Variants in RND3 observed in about 807,000 individuals in gnomAD.
RND3 encodes rho-related GTP-binding protein RhoE.
A neutral mutation model predicts 26.5 loss-of-function variants in RND3; 8 were observed. That is an observed-to-expected ratio of 0.30 (90% CI 0.18 to 0.54). The LOEUF (loss-of-function observed/expected upper bound fraction) is 0.54, where lower values mean the gene tolerates loss of function less well. Among genes scored for constraint, RND3 ranks in the 20% least tolerant of loss-of-function variants. The pLI is 0.94. For missense variants in RND3, 207 were observed against 302.8 expected (o/e 0.68, Z 2.35); for synonymous variants, 113 against 113.0 (o/e 1.00, Z 0.00).
chr2:150,472,667 G>T (rs765665284), intron 4 of RND3, among the ~76,000 whole-genome samples: 4 of 152,112 alleles, frequency 2.6e-5, no homozygotes, highest in African/African-American at 9.7e-5. Flanking sequence ...CTGAGATGGG[G>T]AAGTGGCGCC....
At chr2:150,478,269 A>C (rs1336507148) in intron 3 of RND3, among the ~76,000 whole-genome samples, 1 of 151,966 alleles carries the variant, frequency 6.6e-6, no homozygotes, top group Non-Finnish European at 1.5e-5. Flanking sequence ...TACAGTGTTT[A>C]CTCTGTGTTT....
intron 5 of RND3, among the ~76,000 whole-genome samples, chr2:150,470,951 C>T (rs1686078701): frequency 6.6e-6 from 1 of 152,154 alleles, no homozygotes; most frequent in Non-Finnish European, 1.5e-5. Flanking sequence ...AGGAATAATA[C>T]TATTGTAACA....
rs773723153 is a variant in RND3, at chr2:150,470,134, T to C, written c.588A>G (p.Ala196=). ...CGTTTTTATTTGTCTTATTTACACA[T>C]GCCAAGGTGGCAACGTGAAAAATGT... ...VRDIFHVATL[A]CVNKTNKNVK... Residue 196 remains alanine (A), a synonymous_variant, in exon 6 of 6, where the codon GCA becomes GCG. Coordinates refer to ENST00000263895, the MANE Select transcript of RND3 (RefSeq NM_005168.5). 11 of 1,613,942 alleles carry C rather than the reference T, an allele frequency of 6.8e-6. No homozygotes were observed. Among genetic ancestry groups the C allele is most frequent in the Non-Finnish European group, 9.3e-6 (11 of 1,179,964 alleles).
chr2:150,484,111 G>A (rs1007826083), intron 3 of RND3, among the ~76,000 whole-genome samples: 1 of 152,188 alleles, frequency 6.6e-6, no homozygotes, highest in South Asian at 2.1e-4. Context: ...GTAATTCAGT[G>A]TGAATAAATG....
At chr2:150,487,140 C>T in intron 2 of RND3, 128 bp downstream of exon 2, 2 of 807,802 alleles carry the variant, frequency 2.5e-6, no homozygotes, top group Non-Finnish European at 3.6e-6. Flanking sequence ...TAGTAAGGAC[C>T]GAGAAAGACT....
chr2:150,475,003 A>C lies in RND3; in HGVS notation c.239-19T>G. 4 of 1,520,882 alleles carry C rather than the reference A, an allele frequency of 2.6e-6. No homozygotes were observed. Among genetic ancestry groups the C allele is most frequent in the Non-Finnish European group, 2.7e-6 (3 of 1,095,888 alleles). The allele number at this position is 1,520,882 out of a possible 1,614,324, so 94.2% of individuals were successfully genotyped here. On this transcript the variant is annotated intron_variant, in intron 3 of 5. Transcript: ENST00000263895. ...GGAGAACCTGAGAAGAAACAAAGAC[A>C]CACAAATTTTCAGATGAGAGTCCCC...
intron 2 of RND3, 57 bp downstream of exon 2, chr2:150,487,211 G>A: frequency 4.5e-6 from 6 of 1,345,098 alleles, no homozygotes; most frequent in Non-Finnish European, 5.9e-6. Flanking sequence ...GGCCCACCTC[G>A]GGACTGGGAT....
At chr2:150,478,438 T>C (rs1332895287) in intron 3 of RND3, among the ~76,000 whole-genome samples, 2 of 151,254 alleles carry the variant, frequency 1.3e-5, no homozygotes, top group Admixed American at 6.6e-5. Context: ...AATGACTCTG[T>C]GAAGTGAGAA....
chr2:150,481,974 A>G (rs987955078), intron 3 of RND3, among the ~76,000 whole-genome samples: 2 of 152,150 alleles, frequency 1.3e-5, no homozygotes, highest in African/African-American at 4.8e-5. Flanking sequence ...TAACTAAGAT[A>G]TTTTTCCTCT....
intron 3 of RND3, among the ~76,000 whole-genome samples, chr2:150,479,562 T>C (rs1017637733): frequency 5.9e-5 from 9 of 152,216 alleles, no homozygotes; most frequent in Non-Finnish European, 1.5e-5. Flanking sequence ...TGCATATTTT[T>C]GGCAGAGAAA....
At chr2:150,472,947 A>C (rs1686109934) in intron 4 of RND3, among the ~76,000 whole-genome samples, 1 of 152,022 alleles carries the variant, frequency 6.6e-6, no homozygotes, top group Non-Finnish European at 1.5e-5. Context: ...TCAAAGGAGT[A>C]ATATACTTTC....
chr2:150,487,140 C>G, intron 2 of RND3, 128 bp downstream of exon 2: 1 of 807,804 alleles, frequency 1.2e-6, no homozygotes. Context: ...TAGTAAGGAC[C>G]GAGAAAGACT....
intron 2 of RND3, 160 bp downstream of exon 2, chr2:150,487,108 C>T: frequency 1.5e-6 from 1 of 665,806 alleles, no homozygotes; most frequent in Non-Finnish European, 2.4e-6. Flanking sequence ...TTCCCTTTCC[C>T]CGCAGTCTAA....
At chr2:150,470,638 T>C (rs1177498653) in intron 5 of RND3, among the ~76,000 whole-genome samples, 1 of 152,178 alleles carries the variant, frequency 6.6e-6, no homozygotes, top group South Asian at 2.1e-4. Flanking sequence ...TAACTGGTTA[T>C]TCAGGTTTTC....
At chr2:150,484,995 G>A (rs1223950629) in intron 3 of RND3, among the ~76,000 whole-genome samples, 2 of 152,170 alleles carry the variant, frequency 1.3e-5, no homozygotes, top group African/African-American at 2.4e-5. Context: ...ACCATGATAT[G>A]TCTGGGAATC....
In RND3 at chr2:150,486,785, G is replaced by A; in HGVS notation, c.151-4C>T. 1 of 1,606,784 alleles carries A rather than the reference G, an allele frequency of 6.2e-7. No homozygotes were observed. Among genetic ancestry groups the A allele is most frequent in the Non-Finnish European group, 8.5e-7 (1 of 1,173,260 alleles). On this transcript the variant is annotated splice_region_variant and splice_polypyrimidine_tract_variant and intron_variant, in intron 2 of 5. Coordinates refer to ENST00000263895, the MANE Select transcript of RND3 (RefSeq NM_005168.5). The surrounding 1 kb of genome is among the most constrained non-coding windows in gnomAD (Gnocchi z 4.5). ...CAAACACTGTAGGAACGTAATTCTG[G>A]ATAGACAAAATGGGCAAAAGAGGAA...
At chr2:150,481,892 A>G (rs1313862885) in intron 3 of RND3, among the ~76,000 whole-genome samples, 1 of 152,196 alleles carries the variant, frequency 6.6e-6, no homozygotes, top group African/African-American at 2.4e-5. Flanking sequence ...TTGATGTACA[A>G]TAATCTAAAT....
At position 150,478,420 on chromosome 2, in the gene RND3, A is replaced by T. The variant is rs113766055; in HGVS notation, c.239-3436T>A. The stretch of plus-strand genomic sequence containing the variant: ...GCATGCCAAAAAAAAAGGAAGAGGA[A>T]TTCCAGAAATGACTCTGTGAAGTGA... On this transcript the variant is annotated intron_variant, in intron 3 of 5. Transcript: ENST00000263895. Among the ~76,000 whole-genome samples the T allele has an allele frequency of 9.9e-3, 1,499 of 152,024 alleles. 26 individuals carry two copies. Among genetic ancestry groups the T allele is most frequent in the African/African-American group, 0.034 (1,396 of 41,444 alleles).
intron 3 of RND3, among the ~76,000 whole-genome samples, chr2:150,477,793 G>C (rs1322327999): frequency 6.6e-6 from 1 of 152,098 alleles, no homozygotes; most frequent in Admixed American, 6.5e-5. Context: ...TAGTGCAAAG[G>C]TTTATGAGAA....
Sources: gnomAD v4.1 joint callset for allele counts (sites outside exome capture counted in the v4.1 genomes callset) on GRCh38, gnomAD v4.1.1 for gene constraint, Gnocchi (gnomAD v3.1) non-coding constraint, MANE v1.5 for transcripts, NCBI Gene and HGNC (gene_info 2026-07-23, HGNC 2026-07-21) for gene names.